Variants in ACAD10 observed in about 807,000 individuals in gnomAD.
ACAD10 encodes acyl-CoA dehydrogenase family member 10.
A neutral mutation model predicts 116.8 loss-of-function variants in ACAD10; 112 were observed. The observed-to-expected ratio is 0.96, with a 90% CI of 0.82 to 1.12. The LOEUF (loss-of-function observed/expected upper bound fraction) is 1.12, where lower values mean the gene tolerates loss of function less well. ACAD10 is among the 50% of genes most tolerant of loss of function. The pLI is 0.00. For missense variants in ACAD10, 1,259 were observed against 1,350.2 expected, an observed-to-expected ratio of 0.93 and a Z score of 1.06; for synonymous variants, 486 against 510.6, an observed-to-expected ratio of 0.95 and a Z score of 0.65.
chr12:111,756,167 G>A, intron 20 of ACAD10, 166 bp from the exon 21 acceptor site: 1 of 1,427,360 alleles, frequency 7.0e-7, no homozygotes, highest in South Asian at 1.5e-5. Flanking sequence ...TGGCAGGTGT[G>A]GCCCCATGGA....
At chr12:111,723,907 C>A (rs1409376869) in intron 8 of ACAD10, among the ~76,000 whole-genome samples, 1 of 146,254 alleles carries the variant, frequency 6.8e-6, no homozygotes, top group African/African-American at 2.5e-5. Flanking sequence ...ACCTCCCAGA[C>A]GGGGTCTCGG....
chr12:111,720,519 G>C (rs963922517), intron 7 of ACAD10, among the ~76,000 whole-genome samples: 6 of 152,062 alleles, frequency 3.9e-5, no homozygotes, highest in Non-Finnish European at 8.8e-5. Context: ...TGATGAACTT[G>C]CAGTTGTATC....
At chr12:111,718,698 C>T (rs145540388) in intron 7 of ACAD10, among the ~76,000 whole-genome samples, 2,592 of 151,286 alleles carry the variant, frequency 0.017, 26 homozygotes, top group Middle Eastern at 0.028. Flanking sequence ...CAGGCTGGTC[C>T]GAACTCTTGA....
intron 10 of ACAD10, among the ~76,000 whole-genome samples, chr12:111,731,717 A>G (rs1178418553): frequency 6.6e-6 from 1 of 152,218 alleles, no homozygotes; most frequent in Admixed American, 6.5e-5. Context: ...TTTGATGGAT[A>G]GAAGAACATT....
intron 8 of ACAD10, among the ~76,000 whole-genome samples, chr12:111,726,433 T>C (rs960038909): frequency 1.3e-5 from 2 of 152,202 alleles, no homozygotes; most frequent in African/African-American, 2.4e-5. Flanking sequence ...TGAACCCTTA[T>C]TGGAACCAGA....
chr12:111,722,937 G>C lies in ACAD10; in HGVS notation c.1061+1198G>C, dbSNP rs1247050987. ...GACGGGGTGGTGGCCGGGCAGAGGGGCTCCTCACTTCCCAGTAGGGGTGGC... is the reference window on the plus strand; with the variant it reads ...GACGGGGTGGTGGCCGGGCAGAGGGCCTCCTCACTTCCCAGTAGGGGTGGC... On this transcript the variant is annotated intron_variant, in intron 8 of 20. Transcript: ENST00000313698. Among the ~76,000 whole-genome samples, 208 of 151,890 alleles carry C rather than the reference G, an allele frequency of 1.4e-3. 2 individuals are homozygous for C. Among genetic ancestry groups the C allele is most frequent in the African/African-American group, 4.6e-3 (189 of 41,454 alleles).
intron 8 of ACAD10, among the ~76,000 whole-genome samples, chr12:111,726,338 C>A (rs551836412): frequency 1.3e-5 from 2 of 152,012 alleles, no homozygotes; most frequent in Non-Finnish European, 2.9e-5. Flanking sequence ...CATTGGGTCA[C>A]CTTAGTACTG....
chr12:111,752,656 T>C (rs567212367), intron 18 of ACAD10: 1 of 151,882 alleles, frequency 6.6e-6, no homozygotes, highest in Non-Finnish European at 1.5e-5. Context: ...GTGGCTCCCG[T>C]TTTTGGAAAA....
intron 11 of ACAD10, 101 bp downstream of exon 11, chr12:111,734,169 A>C: frequency 6.5e-7 from 1 of 1,528,436 alleles, no homozygotes; most frequent in Non-Finnish European, 8.9e-7. Flanking sequence ...GGGGGAAGTG[A>C]AAGTGAGGTC....
chr12:111,726,569 A>G (rs944344513), intron 8 of ACAD10, among the ~76,000 whole-genome samples: 2 of 151,776 alleles, frequency 1.3e-5, no homozygotes, highest in Non-Finnish European at 2.9e-5. Flanking sequence ...CAGATTAAAA[A>G]ACAACAACAT....
chr12:111,717,193 C>T (rs1888868734), intron 7 of ACAD10, among the ~76,000 whole-genome samples: 1 of 151,912 alleles, frequency 6.6e-6, no homozygotes, highest in East Asian at 1.9e-4. Context: ...CCTGACTCTA[C>T]AAAAAATACA....
intron 1 of ACAD10, chr12:111,687,983 A>G (rs1468137131): frequency 6.6e-6 from 1 of 151,492 alleles, no homozygotes; most frequent in East Asian, 1.9e-4. Context: ...TTCCTGCCTC[A>G]GTCTCCCAAG....
In ACAD10 at chr12:111,744,923, G is replaced by C. The variant is rs767963244; in HGVS notation, c.1995G>C (p.Glu665Asp). The change falls in exon 13 of 21, where the codon GAG (glutamate) becomes GAC (aspartate). Residue 665 changes from glutamate to aspartate, a missense_variant. Transcript: ENST00000313698. Reference protein sequence around the residue: ...SPESLSPPVRELYHRLKHFME... With the variant: ...SPESLSPPVRDLYHRLKHFME... ...AGAGCCTCTCTCCACCTGTCAGAGA[G>C]CTGTATCACCGGCTGAAGCACTTCA... 1.2e-6 allele frequency: 2 copies of C among 1,614,162 alleles called. No homozygotes were observed. The highest frequency in any genetic ancestry group is 3.3e-5 in the Admixed American group (2 of 60,030).
At chr12:111,712,312 CAGAT>C (rs1888708704) in intron 5 of ACAD10, among the ~76,000 whole-genome samples, 182 bp from the exon 6 acceptor site, 1 of 152,148 alleles carries the variant, frequency 6.6e-6, no homozygotes, top group Non-Finnish European at 1.5e-5. Context: ...TCCTAGGAAA[CAGAT>C]AGGAGCCCCT....
chr12:111,694,639 C>T (rs1179121467), intron 2 of ACAD10, among the ~76,000 whole-genome samples: 1 of 152,178 alleles, frequency 6.6e-6, no homozygotes, highest in Admixed American at 6.5e-5. Context: ...TTCTCTCACC[C>T]AAATGATGTC....
intron 11 of ACAD10, among the ~76,000 whole-genome samples, chr12:111,734,969 A>C (rs1271162113): frequency 6.6e-6 from 1 of 152,136 alleles, no homozygotes; most frequent in Non-Finnish European, 1.5e-5. Flanking sequence ...CACGCCTGTA[A>C]TCCCAGCACT....
rs558805021 is a variant in ACAD10, at chr12:111,749,740, G to A, written c.2817+395G>A. On this transcript the variant is annotated intron_variant, in intron 18 of 20. Coordinates refer to ENST00000313698, the MANE Select transcript of ACAD10 (RefSeq NM_025247.6). ...CCAAGCATTTGAGACCAGCCTAGGC[G>A]AAAAAGAGAGACTCAGTCTCTACAA... The A allele has an allele frequency of 2.6e-5, 4 of 154,488 alleles. No homozygotes were observed. In the East Asian group the frequency reaches 5.5e-4, roughly 21 times the overall value. 9.6% of individuals were successfully genotyped at this position (154,488 alleles called of 1,614,324 possible).
rs1267165557 is a variant in ACAD10, at chr12:111,709,365, T to G, written c.532-161T>G. Reference sequence around the variant, plus strand: ...CCCAGTATTGTCAAATTACTCAATGTAAGAAGGCAACATCATTTTATATCA... The same window carrying G: ...CCCAGTATTGTCAAATTACTCAATGGAAGAAGGCAACATCATTTTATATCA... On this transcript the variant is annotated intron_variant, in intron 4 of 20. Coordinates refer to ENST00000313698, the MANE Select transcript of ACAD10 (RefSeq NM_025247.6). Among the ~76,000 whole-genome samples the G allele has an allele frequency of 2.0e-5, 3 of 152,370 alleles. No homozygotes were observed. In the South Asian group the frequency reaches 6.2e-4, roughly 32 times the overall value.
Position 111,747,030 on chromosome 12 carries a change from C to G in ACAD10, c.2257-19C>G, listed in dbSNP as rs766376238. On this transcript the variant is annotated intron_variant, in intron 14 of 20. Transcript: ENST00000313698. Reference sequence around the variant, plus strand: ...GAAGAGGACATGACAGTCATGGTCACGCTCCTTTTCCTTCTCAGGTATGTA... The same window carrying G: ...GAAGAGGACATGACAGTCATGGTCAGGCTCCTTTTCCTTCTCAGGTATGTA... The G allele has an allele frequency of 6.4e-7, 1 of 1,561,966 alleles. No individual in the cohort carries two copies. Among genetic ancestry groups the G allele is most frequent in the Non-Finnish European group, 8.7e-7 (1 of 1,151,884 alleles).
Sources: gnomAD v4.1 joint callset for allele counts (sites outside exome capture counted in the v4.1 genomes callset) on GRCh38, gnomAD v4.1.1 for gene constraint, MANE v1.5 for transcripts, NCBI Gene and HGNC (gene_info 2026-07-23, HGNC 2026-07-21) for gene names.